HTR1F: variants seen among roughly 807,000 people sequenced by gnomAD.
HTR1F encodes 5-hydroxytryptamine receptor 1F.
Under a neutral mutation model 24.0 loss-of-function variants are expected in HTR1F, and 17 were observed. That is an observed-to-expected ratio of 0.71 (90% CI 0.48 to 1.06). The LOEUF (loss-of-function observed/expected upper bound fraction) is 1.06. Ranked by LOEUF, HTR1F falls within the 50% of genes least tolerant of loss-of-function variation. HTR1F has a pLI of 0.00. For synonymous variants in HTR1F, 186 were observed against 156.8 expected (o/e 1.19, Z -1.39); for missense variants, 391 against 427.8 (o/e 0.91, Z 0.76).
At chr3:87,862,450 A>G (rs1424490921) in intron 2 of HTR1F, among the ~76,000 whole-genome samples, 1 of 152,212 alleles carries the variant, frequency 6.6e-6, no homozygotes, top group Non-Finnish European at 1.5e-5. Flanking sequence ...TAGTTTTACC[A>G]TCTTGTATCT....
At chr3:87,975,914 A>G (rs1705386198) in intron 2 of HTR1F, among the ~76,000 whole-genome samples, 1 of 152,228 alleles carries the variant, frequency 6.6e-6, no homozygotes, top group Non-Finnish European at 1.5e-5. Context: ...ATGACAAATC[A>G]ACTGCCCAAT....
intron 2 of HTR1F, among the ~76,000 whole-genome samples, chr3:87,976,687 C>T (rs1387605168): frequency 6.6e-6 from 1 of 152,124 alleles, no homozygotes; most frequent in Non-Finnish European, 1.5e-5. Context: ...TAGACCTTGT[C>T]CAACCCAATA....
chr3:87,804,523 A>C (rs1243143922), intron 1 of HTR1F, among the ~76,000 whole-genome samples: 1 of 152,196 alleles, frequency 6.6e-6, no homozygotes, highest in African/African-American at 2.4e-5. Context: ...AGCCAAAATT[A>C]TATATCTCAA....
At chr3:87,819,340 A>ATT (rs111877115) in intron 1 of HTR1F, among the ~76,000 whole-genome samples, 3 of 145,458 alleles carry the variant, frequency 2.1e-5, no homozygotes, top group African/African-American at 7.5e-5. Flanking sequence ...ATACAATAAG[A>ATT]TTTTTTTTTT....
chr3:87,870,877 T>G (rs1338290686), intron 2 of HTR1F, among the ~76,000 whole-genome samples: 1 of 151,758 alleles, frequency 6.6e-6, no homozygotes, highest in East Asian at 1.9e-4. Flanking sequence ...CCAAAAAGTT[T>G]GAAAGGTACC....
Position 87,853,185 on chromosome 3 carries a change from A to T in HTR1F, c.-43+31061A>T, listed in dbSNP as rs1167674107. 5.9e-5 allele frequency among the ~76,000 whole-genome samples: 9 copies of T among 151,736 alleles called. 1 individual carries two copies. The highest frequency in any genetic ancestry group is 2.2e-4 in the African/African-American group (9 of 41,348). On this transcript the variant is annotated intron_variant, in intron 2 of 2. Coordinates refer to ENST00000319595, the MANE Select transcript of HTR1F (RefSeq NM_001322209.2). ...CACACAGGTATTAAGCCTAGTACCC[A>T]TTAGTTATTTTTCCAGATCCTCTCC...
chr3:87,991,313 A>T lies in HTR1F; in HGVS notation c.564A>T (p.Gly188=), dbSNP rs200594949. 189 of 1,614,018 alleles carry T rather than the reference A, an allele frequency of 1.2e-4. No individual in the cohort carries two copies. Among genetic ancestry groups the T allele is most frequent in the Non-Finnish European group, 1.5e-4 (181 of 1,179,996 alleles). ...HIVSTIYSTF[G]AFYIPLALIL... The stretch of plus-strand genomic sequence containing the variant: ...TTTCCACCATTTACTCAACATTTGG[A>T]GCTTTCTACATCCCACTGGCATTGA... The change falls in exon 3 of 3, where the codon GGA becomes GGT. Residue 188 remains glycine, a synonymous_variant. Coordinates refer to ENST00000319595, the MANE Select transcript of HTR1F (RefSeq NM_001322209.2).
At chr3:87,842,047 A>C (rs2107179667) in intron 2 of HTR1F, among the ~76,000 whole-genome samples, 1 of 151,836 alleles carries the variant, frequency 6.6e-6, no homozygotes, top group African/African-American at 2.4e-5. Context: ...AGTTGATTAG[A>C]TTGGAAAAGA....
intron 2 of HTR1F, among the ~76,000 whole-genome samples, chr3:87,879,807 A>C (rs1490203844): frequency 6.6e-6 from 1 of 152,160 alleles, no homozygotes; most frequent in Non-Finnish European, 1.5e-5. Flanking sequence ...CTATACTTAC[A>C]ACATCAGCCT....
At chr3:87,953,282 G>A (rs1375061291) in intron 2 of HTR1F, among the ~76,000 whole-genome samples, 2 of 151,242 alleles carry the variant, frequency 1.3e-5, no homozygotes, top group Non-Finnish European at 3.0e-5. Flanking sequence ...TTGAATGGGA[G>A]AAAATGTTTG....
At chr3:87,887,658 A>C (rs1354143178) in intron 2 of HTR1F, among the ~76,000 whole-genome samples, 18 of 152,340 alleles carry the variant, frequency 1.2e-4, no homozygotes, top group Admixed American at 1.2e-3. Context: ...AAAAGTGGGC[A>C]ATGGATATGA....
chr3:87,987,830 A>C (rs536864664), intron 2 of HTR1F, among the ~76,000 whole-genome samples: 1 of 144,550 alleles, frequency 6.9e-6, no homozygotes, highest in African/African-American at 2.5e-5. Context: ...TATATATATA[A>C]AATATATGTA....
intron 2 of HTR1F, among the ~76,000 whole-genome samples, chr3:87,962,750 A>G (rs1705088611): frequency 6.6e-6 from 1 of 152,056 alleles, no homozygotes; most frequent in Non-Finnish European, 1.5e-5. Context: ...ACTAATGGGA[A>G]AAATGTAAAC....
At chr3:87,980,979 G>A (rs1031183855) in intron 2 of HTR1F, among the ~76,000 whole-genome samples, 26 of 152,114 alleles carry the variant, frequency 1.7e-4, no homozygotes, top group African/African-American at 6.3e-4. Flanking sequence ...CTGTAGCTGG[G>A]GGGCTGCTGC....
At chr3:87,837,600 A>G (rs894373212) in intron 2 of HTR1F, among the ~76,000 whole-genome samples, 1 of 152,164 alleles carries the variant, frequency 6.6e-6, no homozygotes, top group Non-Finnish European at 1.5e-5. Context: ...ATTCTCCACA[A>G]AGGAAAACAA....
intron 2 of HTR1F, among the ~76,000 whole-genome samples, chr3:87,851,051 A>G (rs1321257485): frequency 6.6e-6 from 1 of 151,772 alleles, no homozygotes; most frequent in Non-Finnish European, 1.5e-5. Flanking sequence ...AACCATTGCT[A>G]CCTGCCATCC....
At chr3:87,819,896 G>A (rs967848470) in intron 1 of HTR1F, among the ~76,000 whole-genome samples, 19 of 152,036 alleles carry the variant, frequency 1.2e-4, no homozygotes, top group Non-Finnish European at 2.7e-4. Context: ...TGAGAAAAAA[G>A]TTAAATAGTA....
At chr3:87,899,846 G>C (rs1706283711) in intron 2 of HTR1F, among the ~76,000 whole-genome samples, 1 of 152,214 alleles carries the variant, frequency 6.6e-6, no homozygotes, top group Non-Finnish European at 1.5e-5. Flanking sequence ...CTGGGTGGCA[G>C]AGCGAGATTC....
chr3:87,832,279 A>G (rs1553663569), intron 2 of HTR1F, among the ~76,000 whole-genome samples: 1 of 150,096 alleles, frequency 6.7e-6, no homozygotes, highest in Non-Finnish European at 1.5e-5. Context: ...TATAATATGT[A>G]TTATACACAC....
Sources: allele counts gnomAD v4.1 joint callset (sites outside exome capture counted in the v4.1 genomes callset), GRCh38; gene constraint gnomAD v4.1.1; transcripts MANE v1.5; gene names NCBI Gene and HGNC (gene_info 2026-07-23, HGNC 2026-07-21).